The following DENND5B variants were observed in gnomAD, a reference collection of about 807,000 sequenced individuals.
DENND5B encodes the protein DENN domain containing 5B, also known as DENN domain-containing protein 5B.
In DENND5B, 34 loss-of-function variants were observed where a neutral mutation model predicts 140.6. The observed-to-expected ratio is 0.24, with a 90% CI of 0.18 to 0.32. The LOEUF is 0.32. Among genes scored for constraint, DENND5B ranks in the 10% least tolerant of loss-of-function variants. The pLI is 1.00. For missense variants in DENND5B, 1,142 were observed against 1,560.2 expected (o/e 0.73, Z 4.52); for synonymous variants, 551 against 562.1 (o/e 0.98, Z 0.28).
chr12:31,528,013 A>AT (rs1211976292), intron 1 of DENND5B, among the ~76,000 whole-genome samples: 2 of 152,244 alleles, frequency 1.3e-5, no homozygotes, highest in Non-Finnish European at 2.9e-5. Context: ...TAACAAGGCC[A>AT]TAACAACCGA....
At chr12:31,416,131 C>T (rs1942726957) in intron 11 of DENND5B, among the ~76,000 whole-genome samples, 1 of 152,080 alleles carries the variant, frequency 6.6e-6, no homozygotes. Context: ...GCCACCGTGC[C>T]CAGACCCAGC....
At position 31,494,138 on chromosome 12, in the gene DENND5B, T is replaced by TTCTATCTATCTA. The variant is rs58109707; in HGVS notation, c.237+1660_237+1671dup. Among the ~76,000 whole-genome samples, 726 of 139,818 alleles carry TTCTATCTATCTA rather than the reference T, an allele frequency of 5.2e-3. 10 individuals carry two copies. The highest frequency in any genetic ancestry group is 0.012 in the African/African-American group (445 of 37,618). The allele number at this position is 139,818 out of a possible 152,430, so 91.7% of individuals were successfully genotyped here. A position where few individuals can be genotyped will look rare whatever the true frequency, so the allele number is the denominator to read the frequency against. On this transcript the variant is annotated intron_variant, in intron 2 of 20. Transcript: ENST00000389082. ...TCTCAAGGTTGACTATCTCTCTATC[T>TTCTATCTATCTA]TCTATCTATCTATCTATCTATCTAT...
chr12:31,567,108 G>C (rs2139369185), intron 1 of DENND5B, among the ~76,000 whole-genome samples: 1 of 152,238 alleles, frequency 6.6e-6, no homozygotes, highest in Non-Finnish European at 1.5e-5. Flanking sequence ...CTTTTAGAGA[G>C]CCTATCCCTA....
chr12:31,497,200 T>C (rs1946793340), intron 1 of DENND5B, among the ~76,000 whole-genome samples: 1 of 152,020 alleles, frequency 6.6e-6, no homozygotes, highest in Non-Finnish European at 1.5e-5. Flanking sequence ...ATAAAATACA[T>C]AGGAATTTTT....
intron 1 of DENND5B, among the ~76,000 whole-genome samples, chr12:31,576,141 CAAAAAAA>C (rs71445806): frequency 1.2e-4 from 3 of 24,600 alleles, no homozygotes; most frequent in Admixed American, 4.6e-4. Context: ...GCTCTGTCTC[CAAAAAAA>C]AAAAAAAAAA....
intron 4 of DENND5B, among the ~76,000 whole-genome samples, 153 bp from the exon 5 acceptor site, chr12:31,452,629 G>T (rs747900357): frequency 7.9e-5 from 12 of 152,096 alleles, no homozygotes; most frequent in Non-Finnish European, 1.2e-4. Context: ...TTCGAGACAA[G>T]ACTGGGAAAC....
intron 19 of DENND5B, among the ~76,000 whole-genome samples, chr12:31,391,804 G>GTA (rs1941158745): frequency 6.6e-6 from 1 of 151,938 alleles, no homozygotes; most frequent in Non-Finnish European, 1.5e-5. Flanking sequence ...GGGACCACAG[G>GTA]TATGTGCTAC....
At chr12:31,550,926 A>C (rs1364117219) in intron 1 of DENND5B, among the ~76,000 whole-genome samples, 1 of 151,792 alleles carries the variant, frequency 6.6e-6, no homozygotes, top group Non-Finnish European at 1.5e-5. Flanking sequence ...TTTTTCTTGT[A>C]AATTTGTTTG....
chr12:31,417,922 G>A (rs187255067), intron 11 of DENND5B, among the ~76,000 whole-genome samples: 280 of 152,210 alleles, frequency 1.8e-3, no homozygotes, highest in Middle Eastern at 3.4e-3. Context: ...TGGGGGGCTG[G>A]GATACAATAC....
intron 1 of DENND5B, chr12:31,506,155 G>A (rs556494033): frequency 3.3e-5 from 5 of 152,250 alleles, no homozygotes; most frequent in African/African-American, 9.6e-5. Context: ...TTTAGTAAGA[G>A]TACATCAACA....
intron 5 of DENND5B, 68 bp downstream of exon 5, chr12:31,451,872 T>C: frequency 6.5e-7 from 1 of 1,534,236 alleles, no homozygotes; most frequent in South Asian, 1.2e-5. Flanking sequence ...GAATAAAAAA[T>C]TTAAAAATGT....
chr12:31,503,341 C>A (rs1187147276), intron 1 of DENND5B, among the ~76,000 whole-genome samples: 1 of 152,124 alleles, frequency 6.6e-6, no homozygotes, highest in Non-Finnish European at 1.5e-5. Context: ...GGGCAGATCG[C>A]TTGAGTTCAG....
At chr12:31,475,268 G>T (rs1412617879) in intron 3 of DENND5B, among the ~76,000 whole-genome samples, 1 of 152,038 alleles carries the variant, frequency 6.6e-6, no homozygotes, top group Non-Finnish European at 1.5e-5. Flanking sequence ...ATTTTTTGGG[G>T]TATGTCACTT....
rs547196116 is a variant in DENND5B, at chr12:31,528,745, C to T, written c.128-32826G>A. Among the ~76,000 whole-genome samples, 21 of 152,206 alleles carry T rather than the reference C, an allele frequency of 1.4e-4. No homozygotes were observed. In the South Asian group the frequency reaches 4.2e-3, roughly 30 times the overall value. On this transcript the variant is annotated intron_variant, in intron 1 of 20. Coordinates refer to ENST00000389082, the MANE Select transcript of DENND5B (RefSeq NM_144973.4). Reference sequence around the variant, plus strand: ...TTTGAACATACTGATTTTGAGATGCCAATTCTAACTGGAGATGTTAAGACA... The same window carrying T: ...TTTGAACATACTGATTTTGAGATGCTAATTCTAACTGGAGATGTTAAGACA...
chr12:31,487,684 A>T (rs553703120), intron 2 of DENND5B, among the ~76,000 whole-genome samples: 1 of 152,334 alleles, frequency 6.6e-6, no homozygotes, highest in Non-Finnish European at 1.5e-5. Context: ...CCTAGAAGAC[A>T]GAGTGAGACT....
Position 31,488,001 on chromosome 12 carries a change from TCTGGTA to T in DENND5B, c.238-7752_238-7747del, listed in dbSNP as rs548612957. Among the ~76,000 whole-genome samples, 534 of 152,244 alleles carry T rather than the reference TCTGGTA, an allele frequency of 3.5e-3. 4 individuals carry two copies. Among genetic ancestry groups the T allele is most frequent in the African/African-American group, 0.012 (514 of 41,554 alleles). ...GACGGAATCTCACTCTGTCGCCCAG[TCTGGTA>T]TGCAGTGGTGTGATGTCAGCTTACT... On this transcript the variant is annotated intron_variant, in intron 2 of 20. Transcript: ENST00000389082.
chr12:31,567,864 G>A (rs1949684027), intron 1 of DENND5B, among the ~76,000 whole-genome samples: 1 of 152,142 alleles, frequency 6.6e-6, no homozygotes, highest in African/African-American at 2.4e-5. Context: ...TCTATTTTTA[G>A]GGGGTTGTTT....
chr12:31,466,172 G>A (rs549862262), intron 3 of DENND5B, among the ~76,000 whole-genome samples: 1 of 152,026 alleles, frequency 6.6e-6, no homozygotes. Context: ...GGCCAACATG[G>A]TGAAACCCCG....
At chr12:31,447,380 T>C (rs1944319590) in intron 6 of DENND5B, among the ~76,000 whole-genome samples, 158 bp downstream of exon 6, 1 of 152,112 alleles carries the variant, frequency 6.6e-6, no homozygotes, top group Admixed American at 6.6e-5. Context: ...GGAGTAGGAC[T>C]CAGAAAGAAA....
Sources: allele counts gnomAD v4.1 joint callset (sites outside exome capture counted in the v4.1 genomes callset), GRCh38; gene constraint gnomAD v4.1.1; transcripts MANE v1.5; gene names NCBI Gene and HGNC (gene_info 2026-07-23, HGNC 2026-07-21).